The following DYNC2H1 variants were observed in gnomAD, a reference collection of about 807,000 sequenced individuals.
DYNC2H1 encodes the protein cytoplasmic dynein 2 heavy chain 1.
Under a neutral mutation model 570.0 loss-of-function variants are expected in DYNC2H1, and 410 were observed. That is an observed-to-expected ratio of 0.72 (90% CI 0.66 to 0.78). The LOEUF is 0.78. Ranked by LOEUF, DYNC2H1 falls within the 30% of genes least tolerant of loss-of-function variation. The pLI is 0.00. For synonymous variants in DYNC2H1, 1,688 were observed against 1,677.6 expected, an observed-to-expected ratio of 1.01 and a Z score of -0.15; for missense variants, 4,865 against 5,046.4, an observed-to-expected ratio of 0.96 and a Z score of 1.09.
chr11:103,247,012 T>A (rs1039573412), intron 65 of DYNC2H1, among the ~76,000 whole-genome samples: 3 of 151,602 alleles, frequency 2.0e-5, no homozygotes, highest in Non-Finnish European at 2.9e-5. Flanking sequence ...TTTTTTTTTT[T>A]ACTTTGTTTC....
At chr11:103,213,757 A>G (rs1011120547) in intron 54 of DYNC2H1, among the ~76,000 whole-genome samples, 1 of 152,002 alleles carries the variant, frequency 6.6e-6, no homozygotes, top group Non-Finnish European at 1.5e-5. Context: ...GTTTGCAAAT[A>G]TTTTCTCCCA....
chr11:103,316,675 C>G, intron 80 of DYNC2H1, 55 bp downstream of exon 80: 1 of 1,288,942 alleles, frequency 7.8e-7, no homozygotes, highest in Non-Finnish European at 1.0e-6. Context: ...TATCTGAGGT[C>G]TTATTAACTA....
At chr11:103,248,593 T>G (rs1373799693) in intron 65 of DYNC2H1, among the ~76,000 whole-genome samples, 1 of 152,064 alleles carries the variant, frequency 6.6e-6, no homozygotes, top group Non-Finnish European at 1.5e-5. Flanking sequence ...GGTTTAAATT[T>G]GAATGGTCAT....
intron 87 of DYNC2H1, among the ~76,000 whole-genome samples, chr11:103,460,356 TTTA>T (rs1446874300): frequency 6.6e-6 from 1 of 151,938 alleles, no homozygotes; most frequent in Non-Finnish European, 1.5e-5. Flanking sequence ...GGAAACCAGT[TTTA>T]TTGTGTCAAA....
rs1426916640 is a variant in DYNC2H1 at position 103,386,467 on chromosome 11, C to CACACACAA, written c.12157-13195_12157-13194insCACACAAA. ...AAAACACACCACACACACACACACA[C>CACACACAA]AAAAGTATTTTGGGCTATCTTATTG... is the stretch of plus-strand genomic sequence containing the variant. On this transcript the variant is annotated intron_variant, in intron 83 of 88. Transcript: ENST00000375735. Among the ~76,000 whole-genome samples, 4 of 152,064 alleles carry CACACACAA rather than the reference C, an allele frequency of 2.6e-5. No individual in the cohort carries two copies. In the East Asian group the frequency reaches 7.7e-4, roughly 29 times the overall value.
At chr11:103,212,037 G>T in intron 54 of DYNC2H1, 94 bp downstream of exon 54, 5 of 1,265,898 alleles carry the variant, frequency 3.9e-6, no homozygotes, top group Non-Finnish European at 5.0e-6. Flanking sequence ...CATATATCTG[G>T]TATTAATAAA....
intron 84 of DYNC2H1, among the ~76,000 whole-genome samples, chr11:103,401,299 ATTTC>A (rs1942631922): frequency 6.6e-6 from 1 of 152,198 alleles, no homozygotes; most frequent in South Asian, 2.1e-4. Context: ...TTGAGAGTAT[ATTTC>A]TTTATCCAAC....
chr11:103,415,006 G>A (rs1286914317), intron 84 of DYNC2H1, among the ~76,000 whole-genome samples: 2 of 152,082 alleles, frequency 1.3e-5, no homozygotes, highest in East Asian at 3.9e-4. Context: ...AGCTACCATT[G>A]ACTTTCTTCA....
intron 54 of DYNC2H1, among the ~76,000 whole-genome samples, chr11:103,212,895 C>T (rs17100134): frequency 0.023 from 3,460 of 152,130 alleles, 115 homozygotes; most frequent in African/African-American, 0.078. Context: ...TTAATTGGGT[C>T]AATGGTAGTT....
At chr11:103,148,409 C>A in intron 19 of DYNC2H1, 81 bp from the exon 20 acceptor site, 1 of 1,410,920 alleles carries the variant, frequency 7.1e-7, no homozygotes. Context: ...ACTTCTACCA[C>A]CCCTTGATTT....
intron 75 of DYNC2H1, among the ~76,000 whole-genome samples, chr11:103,296,466 C>G (rs953580064): frequency 1.3e-5 from 2 of 152,108 alleles, no homozygotes; most frequent in African/African-American, 4.8e-5. Flanking sequence ...ATATGGAGAA[C>G]AGTTGTCCCT....
rs754276021 is a variant in DYNC2H1 at position 103,282,999 on chromosome 11, T to G, written c.10813-9T>G. 15 of 1,592,904 alleles carry G rather than the reference T, an allele frequency of 9.4e-6. No individual in the cohort carries two copies. The Admixed American group carries it at 2.6e-4, about 28-fold the overall frequency. ...AGTATACTAAGGAAAATAATTGCTT[T>G]TATTAAAGGACTCTCAACAAAAAAT... On this transcript the variant is annotated splice_polypyrimidine_tract_variant and intron_variant, in intron 72 of 88. Transcript: ENST00000375735.
chr11:103,111,327 C>T (rs1032957589), intron 1 of DYNC2H1, among the ~76,000 whole-genome samples: 5 of 152,210 alleles, frequency 3.3e-5, no homozygotes, highest in African/African-American at 9.6e-5. Context: ...CTCTGTCAAG[C>T]ACTGTTCTAA....
At position 103,163,232 on chromosome 11, in the gene DYNC2H1, G is replaced by A. The variant is rs774802743; in HGVS notation, c.4611+85G>A. On this transcript the variant is annotated intron_variant, in intron 30 of 88. Transcript: ENST00000375735. The surrounding 1 kb of genome is among the most constrained non-coding windows in gnomAD (Gnocchi z 4.6). ...AGAAGCCAGGAGGCTCAGATAAATC[G>A]CATCTGTTTTCTCCCTTTATCTAAC... The A allele has an allele frequency of 6.1e-5, 88 of 1,441,930 alleles. No homozygotes were observed. Among genetic ancestry groups the A allele is most frequent in the Non-Finnish European group, 7.6e-5 (82 of 1,079,362 alleles). 89.3% of individuals were successfully genotyped at this position (1,441,930 alleles called of 1,614,324 possible).
intron 86 of DYNC2H1, 79 bp downstream of exon 86, chr11:103,455,374 CTTGA>C: frequency 9.5e-7 from 1 of 1,056,980 alleles, no homozygotes; most frequent in Non-Finnish European, 1.4e-6. Flanking sequence ...TTACACTGCC[CTTGA>C]TTGTCAAGAA....
intron 82 of DYNC2H1, among the ~76,000 whole-genome samples, chr11:103,356,772 A>G (rs1591625444): frequency 6.6e-6 from 1 of 152,358 alleles, no homozygotes; most frequent in Admixed American, 6.5e-5. Flanking sequence ...TGAGTTTAAC[A>G]GCATGATTAT....
At chr11:103,230,819 C>T (rs1235230938) in intron 59 of DYNC2H1, among the ~76,000 whole-genome samples, 8 of 152,010 alleles carry the variant, frequency 5.3e-5, no homozygotes, top group Non-Finnish European at 1.2e-4. Flanking sequence ...GCAGTGGGCT[C>T]TGATCGTACC....
intron 83 of DYNC2H1, among the ~76,000 whole-genome samples, chr11:103,367,543 T>G (rs34747522): frequency 0.052 from 7,905 of 152,152 alleles, 384 homozygotes; most frequent in East Asian, 0.19. Flanking sequence ...GTGATCAAAT[T>G]ACGGTATTTA....
rs1295565823 is a variant in DYNC2H1 at position 103,211,775 on chromosome 11, C to T, written c.8540-14C>T. The T allele has an allele frequency of 8.2e-6, 9 of 1,103,486 alleles. No individual in the cohort carries two copies. Among genetic ancestry groups the T allele is most frequent in the Non-Finnish European group, 1.1e-5 (9 of 800,474 alleles). 68.4% of individuals were successfully genotyped at this position (1,103,486 alleles called of 1,614,324 possible). A position where few individuals can be genotyped will look rare whatever the true frequency, so the allele number is the denominator to read the frequency against. ...ACATATAATAAGTTATTTTTATTTT[C>T]TATTTTTTTCTAGTTGATCCTGATT... On this transcript the variant is annotated splice_polypyrimidine_tract_variant and intron_variant, in intron 53 of 88. Coordinates refer to ENST00000375735, the MANE Select transcript of DYNC2H1 (RefSeq NM_001377.3).
Sources: gnomAD v4.1 joint callset for allele counts (sites outside exome capture counted in the v4.1 genomes callset) on GRCh38, gnomAD v4.1.1 for gene constraint, Gnocchi (gnomAD v3.1) non-coding constraint, MANE v1.5 for transcripts, NCBI Gene and HGNC (gene_info 2026-07-23, HGNC 2026-07-21) for gene names.